TMEM117: variants seen among roughly 807,000 people sequenced by gnomAD.
TMEM117 encodes the protein transmembrane protein 117.
In TMEM117, 27 loss-of-function variants were observed where a neutral mutation model predicts 52.4. The observed-to-expected ratio is 0.51, with a 90% CI of 0.38 to 0.71. TMEM117 has a LOEUF of 0.71. TMEM117 is among the 30% of genes least tolerant of loss of function. TMEM117 has a pLI of 0.00. For synonymous variants in TMEM117, 215 were observed against 206.3 expected (o/e 1.04, Z -0.36); for missense variants, 556 against 630.5 (o/e 0.88, Z 1.26).
At chr12:44,142,997 T>G (rs1948591764) in intron 3 of TMEM117, among the ~76,000 whole-genome samples, 1 of 152,214 alleles carries the variant, frequency 6.6e-6, no homozygotes, top group Admixed American at 6.5e-5. Context: ...TCACACATAT[T>G]TGGATCAAAT....
At chr12:44,366,125 A>G (rs926679336) in intron 6 of TMEM117, among the ~76,000 whole-genome samples, 4 of 152,082 alleles carry the variant, frequency 2.6e-5, no homozygotes, top group Non-Finnish European at 2.9e-5. Context: ...ATGCCCTCCT[A>G]TGGGGAACTT....
intron 5 of TMEM117, among the ~76,000 whole-genome samples, chr12:44,289,554 T>A (rs1950678223): frequency 7.9e-6 from 1 of 126,580 alleles, no homozygotes; most frequent in Admixed American, 8.2e-5. Context: ...TTTTCTCTTT[T>A]TTTTTTTTTT....
intron 2 of TMEM117, among the ~76,000 whole-genome samples, chr12:43,889,471 A>G (rs1450196120): frequency 2.6e-5 from 4 of 152,212 alleles, no homozygotes; most frequent in Admixed American, 6.5e-5. Context: ...TAATGCTGCC[A>G]CTGATCTGAC....
At chr12:43,951,969 G>C (rs1262392902) in intron 3 of TMEM117, among the ~76,000 whole-genome samples, 1 of 152,222 alleles carries the variant, frequency 6.6e-6, no homozygotes, top group Non-Finnish European at 1.5e-5. Flanking sequence ...CTGTTCTGCA[G>C]CCTCCACTGG....
At chr12:44,182,713 A>G (rs1032718645) in intron 4 of TMEM117, among the ~76,000 whole-genome samples, 1 of 152,130 alleles carries the variant, frequency 6.6e-6, no homozygotes, top group Non-Finnish European at 1.5e-5. Flanking sequence ...ATTCAGACAT[A>G]TATCCCCTGC....
At chr12:44,018,070 G>C (rs893581247) in intron 3 of TMEM117, among the ~76,000 whole-genome samples, 1 of 152,064 alleles carries the variant, frequency 6.6e-6, no homozygotes, top group Admixed American at 6.5e-5. Context: ...GCTGCTCTTG[G>C]TGACTAGGCC....
At chr12:44,297,195 C>T (rs1007720165) in intron 5 of TMEM117, among the ~76,000 whole-genome samples, 1 of 152,172 alleles carries the variant, frequency 6.6e-6, no homozygotes, top group Non-Finnish European at 1.5e-5. Flanking sequence ...CCTAGACTTT[C>T]ACACCTAAAA....
intron 5 of TMEM117, among the ~76,000 whole-genome samples, chr12:44,277,761 C>CTTTTTTTTTT (rs35687259): frequency 1.0e-5 from 1 of 95,504 alleles, no homozygotes; most frequent in Non-Finnish European, 1.9e-5. Context: ...AAACTCTGAG[C>CTTTTTTTTTT]TTTTTTTTTT....
At chr12:44,040,106 A>G (rs1946774209) in intron 3 of TMEM117, among the ~76,000 whole-genome samples, 1 of 152,144 alleles carries the variant, frequency 6.6e-6, no homozygotes, top group Admixed American at 6.5e-5. Flanking sequence ...GGCCAATATC[A>G]AGTTATTGAC....
At chr12:43,933,865 A>G (rs1944910638) in intron 2 of TMEM117, among the ~76,000 whole-genome samples, 2 of 152,196 alleles carry the variant, frequency 1.3e-5, no homozygotes. Flanking sequence ...CCGGCCCAGA[A>G]TTTCAATAGT....
At chr12:43,806,089 G>C in the TMEM117 span, 5 of 1,519,156 alleles carry the variant, frequency 3.3e-6, no homozygotes, top group South Asian at 6.0e-5. Context: ...AGGCGCCGAG[G>C]CCCGGCTCGC....
chr12:44,362,064 C>A (rs1023156444), intron 6 of TMEM117, among the ~76,000 whole-genome samples: 1 of 152,142 alleles, frequency 6.6e-6, no homozygotes, highest in Non-Finnish European at 1.5e-5. Context: ...ATCCTCATCC[C>A]CCAGCTTAGG....
In TMEM117 at chr12:43,902,903, GA is replaced by G. The variant is rs150180902; in HGVS notation, c.278-41297del. Among the ~76,000 whole-genome samples, 1,834 of 146,872 alleles carry G rather than the reference GA, an allele frequency of 0.012. 75 individuals carry two copies. In the East Asian group the frequency reaches 0.16, roughly 13 times the overall value. On this transcript the variant is annotated intron_variant, in intron 2 of 7. Coordinates refer to ENST00000266534, the MANE Select transcript of TMEM117 (RefSeq NM_032256.3). ...ACAAAAGCACAACAGTACCTAAATAGAAAAAAAAAATGCTGCAAGTAAATTA... is the reference window on the plus strand; with the variant it reads ...ACAAAAGCACAACAGTACCTAAATAGAAAAAAAAATGCTGCAAGTAAATTA...
intron 2 of TMEM117, among the ~76,000 whole-genome samples, chr12:43,922,318 A>G (rs1490194125): frequency 1.3e-5 from 2 of 152,198 alleles, no homozygotes; most frequent in Non-Finnish European, 2.9e-5. Flanking sequence ...TAGGTTTTTA[A>G]AAATTGAATT....
intron 5 of TMEM117, among the ~76,000 whole-genome samples, chr12:44,290,995 T>C (rs1475846900): frequency 6.6e-6 from 1 of 152,190 alleles, no homozygotes; most frequent in African/African-American, 2.4e-5. Context: ...AGTTTTATAT[T>C]AATTTTAGAA....
Position 44,015,172 on chromosome 12 carries a change from A to G in TMEM117, c.410+70830A>G, listed in dbSNP as rs563294276. Among the ~76,000 whole-genome samples the G allele has an allele frequency of 1.9e-4, 29 of 152,330 alleles. No homozygotes were observed. The South Asian group carries it at 5.0e-3, about 26-fold the overall frequency. On this transcript the variant is annotated intron_variant, in intron 3 of 7. Coordinates refer to ENST00000266534, the MANE Select transcript of TMEM117 (RefSeq NM_032256.3). ...TACAAGATCTGTCCAAGAACAGTGTATCATCTAAAAGAGGGGATGCTGGAC... is the reference window on the plus strand; with the variant it reads ...TACAAGATCTGTCCAAGAACAGTGTGTCATCTAAAAGAGGGGATGCTGGAC...
chr12:43,801,544 T>C, the TMEM117 span, among the ~76,000 whole-genome samples: 2 of 152,354 alleles, frequency 1.3e-5, no homozygotes, highest in South Asian at 4.1e-4. Context: ...ACAGTCAATC[T>C]ACTACCAGCT....
intron 2 of TMEM117, among the ~76,000 whole-genome samples, chr12:43,875,294 AG>A (rs1458611175): frequency 2.0e-5 from 3 of 151,964 alleles, no homozygotes; most frequent in Non-Finnish European, 4.4e-5. Flanking sequence ...ATAAGTAGAA[AG>A]GGTTGTGCTA....
intron 3 of TMEM117, among the ~76,000 whole-genome samples, chr12:43,995,246 G>A (rs1946008576): frequency 6.6e-6 from 1 of 150,426 alleles, no homozygotes; most frequent in Admixed American, 6.6e-5. Context: ...ACTCCAGCAA[G>A]GCTCTGTCTT....
Sources: gnomAD v4.1 joint callset for allele counts (sites outside exome capture counted in the v4.1 genomes callset) on GRCh38, gnomAD v4.1.1 for gene constraint, MANE v1.5 for transcripts, NCBI Gene and HGNC (gene_info 2026-07-23, HGNC 2026-07-21) for gene names.